AGBL4: variants seen among roughly 807,000 people sequenced by gnomAD.
AGBL4 encodes cytosolic carboxypeptidase 6.
AGBL4 carries 58 observed loss-of-function variants against 66.4 expected under a neutral mutation model. The observed-to-expected ratio is 0.87, with a 90% CI of 0.71 to 1.09. AGBL4 has a LOEUF of 1.09. Among genes scored for constraint, AGBL4 ranks in the 50% least tolerant of loss-of-function variants. The probability of loss-of-function intolerance (pLI) is 0.00; values close to 1 mark genes in which losing one functional copy is unlikely to be tolerated. For synonymous variants in AGBL4, 234 were observed against 222.9 expected (o/e 1.05, Z -0.44); for missense variants, 579 against 631.0 (o/e 0.92, Z 0.88).
intron 3 of AGBL4, among the ~76,000 whole-genome samples, chr1:49,353,017 C>A (rs1459622084): frequency 6.6e-6 from 1 of 152,126 alleles, no homozygotes; most frequent in Non-Finnish European, 1.5e-5. Context: ...TCTGAAGAAT[C>A]TGCATTCAAA....
intron 3 of AGBL4, among the ~76,000 whole-genome samples, chr1:49,526,214 C>T (rs1650651558): frequency 6.6e-6 from 1 of 152,048 alleles, no homozygotes; most frequent in Non-Finnish European, 1.5e-5. Flanking sequence ...CTTGCTTTCA[C>T]AGAAGAGTCA....
chr1:48,825,858 A>G (rs1267388736), intron 6 of AGBL4, among the ~76,000 whole-genome samples: 1 of 152,200 alleles, frequency 6.6e-6, no homozygotes, highest in Non-Finnish European at 1.5e-5. Context: ...TCTATGGGCA[A>G]TGGGGAGACA....
intron 3 of AGBL4, among the ~76,000 whole-genome samples, chr1:49,577,388 C>T (rs1203262520): frequency 6.6e-6 from 1 of 152,228 alleles, no homozygotes; most frequent in Non-Finnish European, 1.5e-5. Context: ...GCTGACCTGG[C>T]TATGGCCACT....
intron 6 of AGBL4, among the ~76,000 whole-genome samples, chr1:48,783,616 C>T (rs1645346908): frequency 6.6e-6 from 1 of 152,214 alleles, no homozygotes; most frequent in South Asian, 2.1e-4. Context: ...CCTCAGCTTT[C>T]TCACCTGTGA....
intron 2 of AGBL4, among the ~76,000 whole-genome samples, chr1:49,721,294 G>A (rs1313925629): frequency 6.6e-6 from 1 of 152,176 alleles, no homozygotes; most frequent in East Asian, 1.9e-4. Flanking sequence ...CACTGTGGAA[G>A]CTTTGTTGTT....
chr1:49,878,339 C>T lies in AGBL4; in HGVS notation c.35-26821G>A, dbSNP rs564512519. 7.5e-4 allele frequency among the ~76,000 whole-genome samples: 112 copies of T among 149,540 alleles called. 3 individuals are homozygous for T. The South Asian group carries it at 0.024, about 32-fold the overall frequency. On this transcript the variant is annotated intron_variant, in intron 1 of 13. Coordinates refer to ENST00000371839, the MANE Select transcript of AGBL4 (RefSeq NM_032785.4). ...TCTACACACTGCTTTGAATGTGTCC[C>T]AGAGATTCTGGTATGTTGTGTCTTT...
At chr1:49,332,063 G>C (rs1570453693) in intron 3 of AGBL4, among the ~76,000 whole-genome samples, 1 of 152,220 alleles carries the variant, frequency 6.6e-6, no homozygotes, top group Admixed American at 6.5e-5. Context: ...GTCTAGGAGA[G>C]AGAGGCAAGG....
chr1:49,722,047 A>G (rs1648649532), intron 2 of AGBL4, among the ~76,000 whole-genome samples: 1 of 152,146 alleles, frequency 6.6e-6, no homozygotes. Context: ...AAAAGAAGCA[A>G]ATGAAATTTA....
At chr1:49,454,658 C>T (rs1646350853) in intron 3 of AGBL4, among the ~76,000 whole-genome samples, 1 of 151,572 alleles carries the variant, frequency 6.6e-6, no homozygotes, top group South Asian at 2.1e-4. Flanking sequence ...AATTTCAATT[C>T]ATTAAGTACT....
intron 2 of AGBL4, among the ~76,000 whole-genome samples, chr1:49,776,664 T>C (rs755494308): frequency 7.9e-5 from 12 of 152,142 alleles, no homozygotes; most frequent in African/African-American, 1.2e-4. Flanking sequence ...TCAAACTTCA[T>C]TTTAAATGTC....
chr1:48,750,932 G>A (rs1267700044), intron 6 of AGBL4, among the ~76,000 whole-genome samples: 2 of 152,152 alleles, frequency 1.3e-5, no homozygotes, highest in South Asian at 2.1e-4. Flanking sequence ...GAGCAGCAAG[G>A]GAGGGTATGG....
At chr1:49,218,552 TG>T (rs1222428961) in intron 4 of AGBL4, among the ~76,000 whole-genome samples, 3 of 152,072 alleles carry the variant, frequency 2.0e-5, no homozygotes, top group Non-Finnish European at 4.4e-5. Context: ...AAAAGTCTTT[TG>T]GGTGCAAGTC....
intron 4 of AGBL4, among the ~76,000 whole-genome samples, chr1:49,171,663 G>T (rs2148164639): frequency 6.6e-6 from 1 of 152,232 alleles, no homozygotes; most frequent in Middle Eastern, 3.4e-3. Context: ...TGCCAATTCA[G>T]AAAGTATGAT....
intron 2 of AGBL4, among the ~76,000 whole-genome samples, chr1:49,716,926 A>G (rs1648191949): frequency 6.6e-6 from 1 of 152,142 alleles, no homozygotes; most frequent in Non-Finnish European, 1.5e-5. Context: ...AGTTCTCTCC[A>G]GGGCAATCAG....
At chr1:48,682,410 CT>C (rs529391743) in intron 6 of AGBL4, among the ~76,000 whole-genome samples, 5,211 of 140,482 alleles carry the variant, frequency 0.037, 227 homozygotes, top group African/African-American at 0.12. Flanking sequence ...CAGCACATCT[CT>C]TTTTTTTTTT....
chr1:49,883,176 A>T (rs551498089), intron 1 of AGBL4, among the ~76,000 whole-genome samples: 137 of 152,294 alleles, frequency 9.0e-4, no homozygotes, highest in South Asian at 7.2e-3. Flanking sequence ...TTGATTTATT[A>T]ATACAACACT....
intron 6 of AGBL4, among the ~76,000 whole-genome samples, chr1:48,693,426 C>T (rs1646665845): frequency 6.6e-6 from 1 of 152,186 alleles, no homozygotes; most frequent in African/African-American, 2.4e-5. Context: ...CATGGCTGAC[C>T]TGCTTTCCCT....
intron 3 of AGBL4, among the ~76,000 whole-genome samples, chr1:49,677,391 G>T (rs1266472508): frequency 6.6e-6 from 1 of 151,816 alleles, no homozygotes; most frequent in African/African-American, 2.4e-5. Context: ...TTTATGTGAT[G>T]GATTACAATC....
rs572327675 is a variant in AGBL4 at position 48,914,685 on chromosome 1, T to G, written c.595-47455A>C. On this transcript the variant is annotated intron_variant, in intron 5 of 13. Transcript: ENST00000371839. ...CTTGTGAGTTGGGTGGAAGAAGGAC[T>G]GTTAACCAGTTTTTTAGTTGATGTT... 2.6e-5 allele frequency among the ~76,000 whole-genome samples: 4 copies of G among 152,320 alleles called. No homozygotes were observed. In the East Asian group the frequency reaches 5.8e-4, roughly 22 times the overall value.
Sources: gnomAD v4.1 joint callset for allele counts (sites outside exome capture counted in the v4.1 genomes callset) on GRCh38, gnomAD v4.1.1 for gene constraint, MANE v1.5 for transcripts, NCBI Gene and HGNC (gene_info 2026-07-23, HGNC 2026-07-21) for gene names.